The following RNF38 variants were observed in gnomAD, a reference collection of about 807,000 sequenced individuals.
The protein encoded by RNF38 is E3 ubiquitin-protein ligase RNF38.
Under a neutral mutation model 67.2 loss-of-function variants are expected in RNF38, and 15 were observed. The ratio of observed to expected loss-of-function variants is 0.22; its 90% CI spans 0.15 to 0.34. The LOEUF (loss-of-function observed/expected upper bound fraction) is 0.34, where lower values mean the gene tolerates loss of function less well. Among genes scored for constraint, RNF38 ranks in the 10% least tolerant of loss-of-function variants. RNF38 has a pLI of 1.00. For missense variants in RNF38, 524 were observed against 639.9 expected (o/e 0.82, Z 1.95); for synonymous variants, 220 against 218.8 (o/e 1.01, Z -0.05).
Position 36,370,511 on chromosome 9 carries a change from T to C in RNF38, c.357-579A>G, listed in dbSNP as rs534908259. Among the ~76,000 whole-genome samples, 8 of 151,188 alleles carry C rather than the reference T, an allele frequency of 5.3e-5. 1 individual carries two copies. The highest frequency in any genetic ancestry group is 9.7e-5 in the African/African-American group (4 of 41,446). ...GCGATGAATATGATTGAGAATATGA[T>C]AGTATCAACATAAATATTCCAAGAA... On this transcript the variant is annotated intron_variant, in intron 3 of 11. Coordinates refer to ENST00000259605, the MANE Select transcript of RNF38 (RefSeq NM_022781.5).
chr9:36,380,219 A>C (rs1587557784), intron 2 of RNF38, among the ~76,000 whole-genome samples: 1 of 152,200 alleles, frequency 6.6e-6, no homozygotes, highest in Admixed American at 6.5e-5. Context: ...TTGTTTTTTG[A>C]GATGGAGCTT....
At chr9:36,387,910 C>A (rs1207997938) in intron 2 of RNF38, among the ~76,000 whole-genome samples, 1 of 151,598 alleles carries the variant, frequency 6.6e-6, no homozygotes, top group African/African-American at 2.4e-5. Flanking sequence ...CAGGAAACTA[C>A]CCAAATGTCA....
Position 36,339,525 on chromosome 9 carries a change from A to C in RNF38, c.*227T>G. 2.1e-6 allele frequency: 1 copy of C among 484,760 alleles called. No individual in the cohort carries two copies. The highest frequency in any genetic ancestry group is 3.7e-6 in the Non-Finnish European group (1 of 269,700). 30.0% of individuals were successfully genotyped at this position (484,760 alleles called of 1,614,324 possible). A position where few individuals can be genotyped will look rare whatever the true frequency, so the allele number is the denominator to read the frequency against. On this transcript the variant is annotated 3_prime_UTR_variant, in exon 12 of 12. Transcript: ENST00000259605. ...TTAGTGCACACACAAAATTAAGCTA[A>C]AGAAAAAGTCTTTGGAGTTCCAATC...
upstream of RNF38, chr9:36,400,433 A>C: frequency 9.2e-7 from 1 of 1,089,106 alleles, no homozygotes; most frequent in East Asian, 5.9e-5. Context: ...CGCGGGAACA[A>C]AGAGCGCCGG....
At chr9:36,442,726 C>A (rs949204291) in intron 1 of RNF38, among the ~76,000 whole-genome samples, 15 of 152,310 alleles carry the variant, frequency 9.8e-5, no homozygotes, top group African/African-American at 3.4e-4. Context: ...TTGCAGCGAG[C>A]CGAGATCGTG....
chr9:36,484,739 C>T (rs904973733), intron 1 of RNF38, among the ~76,000 whole-genome samples: 2 of 152,152 alleles, frequency 1.3e-5, no homozygotes, highest in African/African-American at 2.4e-5. Flanking sequence ...ATTTTACACA[C>T]GTGAAACGAT....
intron 2 of RNF38, among the ~76,000 whole-genome samples, chr9:36,376,528 G>A (rs946746694): frequency 6.6e-6 from 1 of 152,120 alleles, no homozygotes; most frequent in Non-Finnish European, 1.5e-5. Context: ...TGTGAGTTCA[G>A]CTTAGTAGGA....
At chr9:36,475,127 T>C (rs918408622) in intron 1 of RNF38, among the ~76,000 whole-genome samples, 6 of 121,738 alleles carry the variant, frequency 4.9e-5, no homozygotes, top group Non-Finnish European at 6.6e-5. Context: ...GCCTGGGCAA[T>C]AGAGTGAGAC....
rs1319436411 is a variant in RNF38 at position 36,337,200 on chromosome 9, C to T, written c.*2552G>A. 2 of 152,252 alleles carry T rather than the reference C, an allele frequency of 1.3e-5. No individual in the cohort carries two copies. Among genetic ancestry groups the T allele is most frequent in the Non-Finnish European group, 2.9e-5 (2 of 68,058 alleles). The allele number at this position is 152,252 out of a possible 1,614,324, so 9.4% of individuals were successfully genotyped here. On this transcript the variant is annotated 3_prime_UTR_variant, in exon 12 of 12. Coordinates refer to ENST00000259605, the MANE Select transcript of RNF38 (RefSeq NM_022781.5). ...CTCTTTTGCTAGCCACAGAGTTGCTCACTGTGGCAAGCCTGAGCTGGTCAG... is the reference window on the plus strand; with the variant it reads ...CTCTTTTGCTAGCCACAGAGTTGCTTACTGTGGCAAGCCTGAGCTGGTCAG...
chr9:36,400,579 G>A (rs1277454306), upstream of RNF38: 9 of 986,882 alleles, frequency 9.1e-6, no homozygotes, highest in South Asian at 9.3e-5. Flanking sequence ...CCGCCCTGCC[G>A]GGCAGCTCCC....
At chr9:36,430,456 C>G (rs992152343) in intron 1 of RNF38, among the ~76,000 whole-genome samples, 1 of 152,162 alleles carries the variant, frequency 6.6e-6, no homozygotes, top group African/African-American at 2.4e-5. Context: ...GCACCCACCT[C>G]AGCCTCCCAA....
At chr9:36,385,375 T>C (rs1196885769) in intron 2 of RNF38, among the ~76,000 whole-genome samples, 2 of 144,686 alleles carry the variant, frequency 1.4e-5, no homozygotes, top group Admixed American at 7.1e-5. Context: ...TCTGATCCAC[T>C]ACAGCTTTTT....
chr9:36,450,360 A>C (rs1434575052), intron 1 of RNF38, among the ~76,000 whole-genome samples: 2 of 152,178 alleles, frequency 1.3e-5, no homozygotes, highest in African/African-American at 2.4e-5. Context: ...GCTGCCCTAA[A>C]TTGGGAGGAA....
intron 1 of RNF38, among the ~76,000 whole-genome samples, chr9:36,484,128 T>G (rs1000056828): frequency 2.6e-5 from 4 of 152,196 alleles, no homozygotes; most frequent in African/African-American, 7.2e-5. Context: ...CCCAATCTAC[T>G]GGGGAGTTTT....
chr9:36,410,339 A>G (rs541152420), intron 2 of RNF38, among the ~76,000 whole-genome samples: 3 of 152,258 alleles, frequency 2.0e-5, no homozygotes, highest in African/African-American at 7.2e-5. Flanking sequence ...ATTTATTTTT[A>G]TTTTTGAAAT....
chr9:36,369,036 G>C (rs1245441129), intron 4 of RNF38, among the ~76,000 whole-genome samples: 1 of 152,016 alleles, frequency 6.6e-6, no homozygotes, highest in Admixed American at 6.6e-5. Context: ...TTGTAGGCTT[G>C]TACCTGTCAT....
chr9:36,406,007 A>T (rs780760755), upstream of RNF38, among the ~76,000 whole-genome samples: 1 of 152,238 alleles, frequency 6.6e-6, no homozygotes, highest in Non-Finnish European at 1.5e-5. Context: ...AAAGTTGACT[A>T]TGAGGTTACA....
At chr9:36,345,088 T>TGC in intron 9 of RNF38, 135 bp from the exon 10 acceptor site, 1 of 844,750 alleles carries the variant, frequency 1.2e-6, no homozygotes, top group Non-Finnish European at 1.7e-6. Flanking sequence ...ATGATCATTG[T>TGC]GCACTGTGGC....
In RNF38 at chr9:36,388,247, G is replaced by C. The variant is rs181068488; in HGVS notation, c.162+2220C>G. Among the ~76,000 whole-genome samples the C allele has an allele frequency of 1.3e-4, 20 of 151,996 alleles. No individual in the cohort carries two copies. The East Asian group carries it at 3.9e-3, about 29-fold the overall frequency. ...AATGGCTGGTTTCTTATACTAGATG[G>C]TCTTATTATTATATAGATGTCTGCT... On this transcript the variant is annotated intron_variant, in intron 2 of 11. Coordinates refer to ENST00000259605, the MANE Select transcript of RNF38 (RefSeq NM_022781.5).
Sources: gnomAD v4.1 joint callset for allele counts (sites outside exome capture counted in the v4.1 genomes callset) on GRCh38, gnomAD v4.1.1 for gene constraint, MANE v1.5 for transcripts, NCBI Gene and HGNC (gene_info 2026-07-23, HGNC 2026-07-21) for gene names.